Variants in KLHL13 observed in about 807,000 individuals in gnomAD.
KLHL13 encodes the protein kelch like family member 13, also known as kelch-like protein 13.
Under a neutral mutation model 37.1 loss-of-function variants are expected in KLHL13, and 10 were observed. The observed-to-expected ratio is 0.27, with a 90% CI of 0.17 to 0.46. The LOEUF is 0.46. KLHL13 is among the 20% of genes least tolerant of loss of function. KLHL13 has a pLI of 1.00. For synonymous variants in KLHL13, 163 were observed against 181.2 expected (o/e 0.90, Z 0.81); for missense variants, 360 against 509.3 (o/e 0.71, Z 2.82).
intron 1 of KLHL13, among the ~76,000 whole-genome samples, chrX:117,987,225 T>C (rs970547455): frequency 9.0e-6 from 1 of 111,175 alleles, no homozygotes; most frequent in Non-Finnish European, 1.9e-5. Context: ...GAAATTGTGA[T>C]TGTGCTTTAC....
At chrX:118,011,606 G>T (rs1303594220) in intron 1 of KLHL13, among the ~76,000 whole-genome samples, 2 of 111,338 alleles carry the variant, frequency 1.8e-5, no homozygotes, top group Non-Finnish European at 3.8e-5. Flanking sequence ...TTGGGAAGGA[G>T]AAGTGGACTT....
intron 1 of KLHL13, among the ~76,000 whole-genome samples, chrX:117,952,219 G>C (rs1305529932): frequency 1.8e-5 from 2 of 111,182 alleles, no homozygotes; most frequent in Non-Finnish European, 3.8e-5. Flanking sequence ...TAGATCAATG[G>C]AACAGAACAG....
At chrX:118,114,261 T>C (rs2055443176) in intron 1 of KLHL13, among the ~76,000 whole-genome samples, 1 of 112,219 alleles carries the variant, frequency 8.9e-6, no homozygotes, top group African/African-American at 3.2e-5. Context: ...GTACATAAAA[T>C]GAGAAAGAAG....
At chrX:118,027,025 G>A (rs1490607485) in intron 1 of KLHL13, among the ~76,000 whole-genome samples, 2 of 111,883 alleles carry the variant, frequency 1.8e-5, no homozygotes, top group Non-Finnish European at 3.8e-5. Context: ...AAGTAACCCA[G>A]TCAAAACAAA....
intron 1 of KLHL13, among the ~76,000 whole-genome samples, chrX:118,061,808 T>C (rs972989929): frequency 1.2e-4 from 13 of 111,681 alleles, no homozygotes; most frequent in Admixed American, 6.7e-4. Context: ...TGAAGTTGAA[T>C]TTTGAAGAGC....
chrX:117,913,900 G>A (rs1372758767), intron 4 of KLHL13, among the ~76,000 whole-genome samples: 1 of 109,321 alleles, frequency 9.1e-6, no homozygotes, highest in Non-Finnish European at 1.9e-5. Context: ...AAGCACCTGT[G>A]GGAACCTATA....
intron 1 of KLHL13, 117 bp from the exon 2 acceptor site, chrX:118,028,614 C>A (rs1489989207): frequency 1.2e-5 from 4 of 338,993 alleles, no homozygotes; most frequent in Non-Finnish European, 1.5e-5. Context: ...AAAATGTATG[C>A]CCCTGTACTT....
intron 5 of KLHL13, among the ~76,000 whole-genome samples, chrX:117,903,755 G>A (rs1417228028): frequency 9.1e-6 from 1 of 110,371 alleles, no homozygotes; most frequent in Non-Finnish European, 1.9e-5. Context: ...TCAGAAACGG[G>A]GTCTAAAAAG....
At chrX:117,984,449 C>T in intron 1 of KLHL13, among the ~76,000 whole-genome samples, 1 of 111,209 alleles carries the variant, frequency 9.0e-6, no homozygotes, top group Admixed American at 9.6e-5. Context: ...TCTGGGTCAT[C>T]TCACAAGCAC....
exon 5 of KLHL13, chrX:117,909,821 T>A (rs1468573057): frequency 1.6e-6 from 2 of 1,212,143 alleles, no homozygotes; most frequent in Admixed American, 4.3e-5. Flanking sequence ...GTGGAAATCG[T>A]ATGTTCTTCA....
At chrX:118,054,294 G>A (rs1186880104) in intron 1 of KLHL13, among the ~76,000 whole-genome samples, 1 of 110,797 alleles carries the variant, frequency 9.0e-6, no homozygotes, top group Non-Finnish European at 1.9e-5. Context: ...GTTTATCCAA[G>A]CAAAATGAGA....
At chrX:117,921,541 A>G (rs1931701354) in intron 2 of KLHL13, among the ~76,000 whole-genome samples, 1 of 112,036 alleles carries the variant, frequency 8.9e-6, no homozygotes, top group Non-Finnish European at 1.9e-5. Flanking sequence ...ATAAAAAACC[A>G]GGAAGACAGA....
Position 118,012,202 on chromosome X carries a change from T to C in KLHL13, c.-55-66627A>G, listed in dbSNP as rs759775349. On this transcript the variant is annotated intron_variant, in intron 1 of 6. Coordinates refer to the KLHL13 transcript ENST00000371882. ...GTCAGAAATTACAGCTCCTGGTATA[T>C]ATTAGGAAGCCTTTGTGCCAGACTC... Among the ~76,000 whole-genome samples the C allele has an allele frequency of 6.3e-5, 7 of 111,920 alleles. No individual in the cohort carries two copies. In the South Asian group the frequency reaches 2.7e-3, roughly 43 times the overall value.
chrX:117,932,599 T>C (rs1021516341), intron 2 of KLHL13, among the ~76,000 whole-genome samples: 29 of 111,982 alleles, frequency 2.6e-4, no homozygotes, highest in Non-Finnish European at 4.9e-4. Context: ...ATAAAATTTT[T>C]TTCTTTATCC....
chrX:118,085,796 G>GGTGGGTGT (rs2055047418), intron 1 of KLHL13, among the ~76,000 whole-genome samples: 1 of 85,603 alleles, frequency 1.2e-5, no homozygotes, highest in Non-Finnish European at 2.3e-5. Context: ...AATATTCCAT[G>GGTGGGTGT]GTGTGTGTGT....
chrX:118,044,426 C>G (rs1431634794), intron 1 of KLHL13, among the ~76,000 whole-genome samples: 1 of 55,480 alleles, frequency 1.8e-5, no homozygotes, highest in Non-Finnish European at 3.2e-5. Flanking sequence ...GCCAAAGTTA[C>G]TCTGAGGAAA....
At chrX:117,904,257 G>A (rs780110243) in intron 5 of KLHL13, among the ~76,000 whole-genome samples, 2 of 111,126 alleles carry the variant, frequency 1.8e-5, no homozygotes, top group Non-Finnish European at 3.8e-5. Context: ...ATGCAGAGTT[G>A]CTATTGTTAT....
At chrX:117,949,705 A>G (rs931335510) in intron 1 of KLHL13, among the ~76,000 whole-genome samples, 1 of 112,308 alleles carries the variant, frequency 8.9e-6, no homozygotes, top group Non-Finnish European at 1.9e-5. Context: ...TAAAATGTGT[A>G]CTTCAATTTC....
chrX:117,994,686 TG>T (rs989470559), intron 1 of KLHL13, among the ~76,000 whole-genome samples: 1 of 112,308 alleles, frequency 8.9e-6, no homozygotes, highest in Non-Finnish European at 1.9e-5. Context: ...TTTATAGATT[TG>T]GCTTATCACC....
Sources: allele counts gnomAD v4.1 joint callset (sites outside exome capture counted in the v4.1 genomes callset), GRCh38; gene constraint gnomAD v4.1.1; transcripts MANE v1.5; gene names NCBI Gene and HGNC (gene_info 2026-07-23, HGNC 2026-07-21).